The following RPTOR variants were observed in gnomAD, a reference collection of about 807,000 sequenced individuals.
RPTOR encodes regulatory-associated protein of mTOR.
A neutral mutation model predicts 169.9 loss-of-function variants in RPTOR; 21 were observed. That is an observed-to-expected ratio of 0.12 (90% CI 0.09 to 0.18). RPTOR has a LOEUF of 0.18. Ranked by LOEUF, RPTOR falls within the 10% of genes least tolerant of loss-of-function variation. The pLI is 1.00. For synonymous variants in RPTOR, 732 were observed against 753.2 expected (o/e 0.97, Z 0.46); for missense variants, 1,133 against 1,855.9 (o/e 0.61, Z 7.16).
chr17:80,614,813 C>T (rs1278041428), intron 1 of RPTOR, among the ~76,000 whole-genome samples: 2 of 152,218 alleles, frequency 1.3e-5, no homozygotes, highest in African/African-American at 2.4e-5. Context: ...TTGTAGTGCT[C>T]GCTTTGCCGA....
chr17:80,623,885 A>T (rs949188436), intron 1 of RPTOR, among the ~76,000 whole-genome samples: 1 of 152,086 alleles, frequency 6.6e-6, no homozygotes, highest in African/African-American at 2.4e-5. Flanking sequence ...TTAGGTATTT[A>T]AAAAATGATT....
At chr17:80,615,827 C>A (rs897568367) in intron 1 of RPTOR, among the ~76,000 whole-genome samples, 1 of 152,098 alleles carries the variant, frequency 6.6e-6, no homozygotes, top group Admixed American at 6.6e-5. Context: ...TGAAAATATC[C>A]ATTTAGCCAG....
intron 7 of RPTOR, among the ~76,000 whole-genome samples, chr17:80,796,081 C>G (rs2067098962): frequency 6.6e-6 from 1 of 152,198 alleles, no homozygotes; most frequent in Non-Finnish European, 1.5e-5. Flanking sequence ...CTCTCGAGGC[C>G]CATTGCTGAG....
intron 1 of RPTOR, among the ~76,000 whole-genome samples, chr17:80,558,302 A>G (rs1448353866): frequency 1.3e-5 from 2 of 152,186 alleles, no homozygotes; most frequent in East Asian, 1.9e-4. Flanking sequence ...CCCTGTCTCA[A>G]AAAAACCCCT....
chr17:80,884,581 T>G (rs1467275387), intron 16 of RPTOR, among the ~76,000 whole-genome samples: 2 of 152,098 alleles, frequency 1.3e-5, no homozygotes, highest in Non-Finnish European at 2.9e-5. Context: ...ACAGTGTCGC[T>G]CCCCTGGCTG....
chr17:80,663,832 C>T (rs117145011), intron 3 of RPTOR, among the ~76,000 whole-genome samples: 195 of 151,894 alleles, frequency 1.3e-3, no homozygotes, highest in African/African-American at 4.5e-3. Context: ...TGTGCGTGTG[C>T]GTGTGTGCAA....
chr17:80,703,289 AC>A (rs1214489966), intron 3 of RPTOR, among the ~76,000 whole-genome samples: 1 of 151,850 alleles, frequency 6.6e-6, no homozygotes, highest in Non-Finnish European at 1.5e-5. Context: ...TTCTTTTCTC[AC>A]CTGTATCTGC....
intron 25 of RPTOR, chr17:80,941,354 G>C (rs2069025329): frequency 6.6e-6 from 1 of 152,620 alleles, no homozygotes; most frequent in African/African-American, 2.4e-5. Flanking sequence ...CCCGGTCACA[G>C]AGACTGTGTG....
intron 13 of RPTOR, among the ~76,000 whole-genome samples, chr17:80,858,487 C>T (rs992638958): frequency 1.3e-5 from 2 of 152,202 alleles, no homozygotes; most frequent in African/African-American, 4.8e-5. Context: ...GCCAGGGACC[C>T]ATATTTAGCT....
intron 28 of RPTOR, among the ~76,000 whole-genome samples, chr17:80,952,635 C>A (rs1006217326): frequency 1.3e-5 from 2 of 152,168 alleles, no homozygotes; most frequent in African/African-American, 4.8e-5. Context: ...CTTGAATGTT[C>A]TCCATGTGCT....
rs2065640919 is a variant in RPTOR at position 80,651,700 on chromosome 17, G to T, written c.348+7890G>T. Among the ~76,000 whole-genome samples the T allele has an allele frequency of 6.6e-6, 1 of 151,988 alleles. No homozygotes were observed. The highest frequency in any genetic ancestry group is 6.6e-5 in the Admixed American group (1 of 15,262). On this transcript the variant is annotated intron_variant, in intron 3 of 33. Coordinates refer to ENST00000306801, the MANE Select transcript of RPTOR (RefSeq NM_020761.3). The surrounding 1 kb of genome is among the most constrained non-coding windows in gnomAD (Gnocchi z 4.1). ...GTTGGAGACCAGCCTGGCCAACATGGTGAAACCTTGTCTCTACTAAAAATA... is the reference window on the plus strand; with the variant it reads ...GTTGGAGACCAGCCTGGCCAACATGTTGAAACCTTGTCTCTACTAAAAATA...
chr17:80,595,470 C>A (rs569898495), intron 1 of RPTOR, among the ~76,000 whole-genome samples: 4 of 152,294 alleles, frequency 2.6e-5, no homozygotes, highest in East Asian at 3.9e-4. Flanking sequence ...TTTTTCCCCC[C>A]CCTTAGATGG....
chr17:80,816,855 G>GGCCACTGCATGTTGAGCCCCAGCA (rs1387797570), intron 7 of RPTOR, among the ~76,000 whole-genome samples: 1 of 152,290 alleles, frequency 6.6e-6, no homozygotes, highest in Non-Finnish European at 1.5e-5. Context: ...AGGCCCCAGC[G>GGCCACTGCATGTTGAGCCCCAGCA]GCCACTGCAT....
intron 21 of RPTOR, among the ~76,000 whole-genome samples, chr17:80,920,336 C>G (rs919419482): frequency 1.3e-5 from 2 of 152,330 alleles, no homozygotes; most frequent in South Asian, 4.1e-4. Flanking sequence ...TCCAGGCCAA[C>G]CCCCTGTGGT....
intron 21 of RPTOR, among the ~76,000 whole-genome samples, chr17:80,911,661 T>C (rs917044515): frequency 2.0e-5 from 3 of 152,052 alleles, no homozygotes; most frequent in African/African-American, 7.2e-5. Context: ...GGCAAGCACT[T>C]GTGGTCGCAG....
At chr17:80,736,899 C>T (rs368350298) in intron 5 of RPTOR, among the ~76,000 whole-genome samples, 8 of 152,300 alleles carry the variant, frequency 5.3e-5, no homozygotes, top group African/African-American at 1.7e-4. Flanking sequence ...TCTGCGGTGC[C>T]GATTCCACAG....
At chr17:80,582,574 C>T (rs1389546730) in intron 1 of RPTOR, among the ~76,000 whole-genome samples, 4 of 119,664 alleles carry the variant, frequency 3.3e-5, no homozygotes, top group Non-Finnish European at 4.9e-5. Context: ...GAGACAGCGT[C>T]TTGCTCTGTT....
chr17:80,776,468 T>G (rs2066893452), intron 6 of RPTOR, among the ~76,000 whole-genome samples: 1 of 151,678 alleles, frequency 6.6e-6, no homozygotes, highest in Non-Finnish European at 1.5e-5. Context: ...GGACTATAGG[T>G]GTGCACCACA....
At chr17:80,570,386 A>G (rs530279956) in intron 1 of RPTOR, among the ~76,000 whole-genome samples, 12 of 152,312 alleles carry the variant, frequency 7.9e-5, no homozygotes, top group Non-Finnish European at 1.5e-4. Context: ...AGAAAGTGCC[A>G]GATAGATGAA....
Sources: gnomAD v4.1 joint callset for allele counts (sites outside exome capture counted in the v4.1 genomes callset) on GRCh38, gnomAD v4.1.1 for gene constraint, Gnocchi (gnomAD v3.1) non-coding constraint, MANE v1.5 for transcripts, NCBI Gene and HGNC (gene_info 2026-07-23, HGNC 2026-07-21) for gene names.